Variants in EGF observed in about 807,000 individuals in gnomAD.
EGF encodes the protein epidermal growth factor.
A neutral mutation model predicts 143.8 loss-of-function variants in EGF; 95 were observed. The ratio of observed to expected loss-of-function variants is 0.66; its 90% CI spans 0.56 to 0.78. The LOEUF (loss-of-function observed/expected upper bound fraction) is 0.78, where lower values mean the gene tolerates loss of function less well. Among genes scored for constraint, EGF ranks in the 30% least tolerant of loss-of-function variants. EGF has a pLI of 0.00. For synonymous variants in EGF, 510 were observed against 510.5 expected, an observed-to-expected ratio of 1.00 and a Z score of 0.01; for missense variants, 1,320 against 1,470.9, an observed-to-expected ratio of 0.90 and a Z score of 1.68.
At chr4:109,930,308 A>G (rs1739466296) in intron 1 of EGF, among the ~76,000 whole-genome samples, 1 of 152,222 alleles carries the variant, frequency 6.6e-6, no homozygotes, top group South Asian at 2.1e-4. Flanking sequence ...TCTGTACTTC[A>G]TAAAACCCAA....
At chr4:110,001,559 T>A in intron 21 of EGF, 2 of 963,284 alleles carry the variant, frequency 2.1e-6, no homozygotes, top group Non-Finnish European at 2.5e-6. Context: ...GAAACTTAAG[T>A]TCATGCGTGC....
At chr4:109,937,943 C>A in intron 1 of EGF, among the ~76,000 whole-genome samples, 1 of 152,152 alleles carries the variant, frequency 6.6e-6, no homozygotes, top group Admixed American at 6.5e-5. Context: ...CTGCCCTTAA[C>A]ATTTTTTCCT....
At chr4:110,001,455 C>A (rs1345357274) in intron 21 of EGF, among the ~76,000 whole-genome samples, 1 of 152,058 alleles carries the variant, frequency 6.6e-6, no homozygotes, top group South Asian at 2.1e-4. Flanking sequence ...GGTGTGTAAT[C>A]AATATCTTGG....
At chr4:109,998,665 G>A (rs1176764364) in intron 20 of EGF, among the ~76,000 whole-genome samples, 2 of 152,218 alleles carry the variant, frequency 1.3e-5, no homozygotes, top group African/African-American at 4.8e-5. Context: ...GGTAGAGACA[G>A]GCCTAGAGCC....
chr4:110,005,622 C>G (rs1273980241), intron 22 of EGF, among the ~76,000 whole-genome samples: 1 of 152,178 alleles, frequency 6.6e-6, no homozygotes, highest in Non-Finnish European at 1.5e-5. Context: ...AAATCATCCA[C>G]TTCAGTAATT....
intron 8 of EGF, among the ~76,000 whole-genome samples, chr4:109,962,935 C>T (rs763168636): frequency 6.6e-6 from 1 of 151,678 alleles, no homozygotes; most frequent in Non-Finnish European, 1.5e-5. Flanking sequence ...GGCATGGTGG[C>T]GGGTGCCTGT....
At chr4:109,958,571 A>G (rs921330251) in intron 5 of EGF, among the ~76,000 whole-genome samples, 1 of 152,208 alleles carries the variant, frequency 6.6e-6, no homozygotes, top group South Asian at 2.1e-4. Flanking sequence ...AAAGATGTTC[A>G]TTAAATAATG....
At chr4:110,009,195 A>G (rs966354045) in intron 23 of EGF, among the ~76,000 whole-genome samples, 4 of 152,308 alleles carry the variant, frequency 2.6e-5, no homozygotes, top group Middle Eastern at 6.8e-3. Flanking sequence ...CCTAATTTGA[A>G]GAAGGCCTGG....
At chr4:109,925,611 C>T (rs1465066757) in intron 1 of EGF, among the ~76,000 whole-genome samples, 1 of 152,218 alleles carries the variant, frequency 6.6e-6, no homozygotes, top group Non-Finnish European at 1.5e-5. Context: ...AGTACTCCGT[C>T]TCCAATGCCA....
Position 109,980,806 on chromosome 4 carries a change from T to G in EGF, c.2222-20T>G, listed in dbSNP as rs765249066. ...TTCATCTTCAAACCCACTTGTGAAT[T>G]TGTTTCTTTTCTCTACTAGGAGCAG... On this transcript the variant is annotated intron_variant, in intron 14 of 23. Coordinates refer to ENST00000265171, the MANE Select transcript of EGF (RefSeq NM_001963.6). The G allele has an allele frequency of 1.2e-6, 2 of 1,613,812 alleles. No individual in the cohort carries two copies. The highest frequency in any genetic ancestry group is 4.5e-5 in the East Asian group (2 of 44,896).
intron 11 of EGF, among the ~76,000 whole-genome samples, chr4:109,972,862 C>G (rs1340813467): frequency 6.6e-6 from 1 of 152,152 alleles, no homozygotes; most frequent in Non-Finnish European, 1.5e-5. Flanking sequence ...AGTTGGTGAA[C>G]CAGCCACCAG....
chr4:109,940,728 G>A, intron 1 of EGF: 1 of 541,248 alleles, frequency 1.8e-6, no homozygotes. Flanking sequence ...ATTTACCAAT[G>A]TTCATGTCTT....
Position 110,011,294 on chromosome 4 carries a change from G to T in EGF, c.3463G>T (p.Gly1155Cys), listed in dbSNP as rs1358371873. The T allele has an allele frequency of 4.3e-6, 7 of 1,614,038 alleles. No individual in the cohort carries two copies. Among genetic ancestry groups the T allele is most frequent in the African/African-American group, 1.3e-5 (1 of 74,922 alleles). ...GCWIPVSSDK[G>C]SCPQVMERSF... ...CTGGATTCCAGTATCCAGTGATAAGGGCTCCTGTCCCCAGGTAATGGAGCG... is the reference window on the plus strand; with the variant it reads ...CTGGATTCCAGTATCCAGTGATAAGTGCTCCTGTCCCCAGGTAATGGAGCG... Residue 1155 changes from glycine (G) to cysteine (C), a missense_variant, in exon 24 of 24, where the codon GGC becomes TGC. Physicochemically the swap from Gly to Cys is radical, Grantham distance 159 (BLOSUM62 -3). Transcript: ENST00000265171.
intron 21 of EGF, chr4:110,004,203 C>G (rs1288392016): frequency 9.8e-6 from 4 of 408,326 alleles, no homozygotes; most frequent in Non-Finnish European, 1.4e-5. Context: ...CCCCAACATA[C>G]ATGGGCATAC....
intron 11 of EGF, 91 bp from the exon 12 acceptor site, chr4:109,974,612 A>G (rs1748187862): frequency 2.1e-6 from 2 of 950,396 alleles, no homozygotes; most frequent in Admixed American, 1.9e-5. Flanking sequence ...TAGAATGCCT[A>G]TCTTTGCATT....
At chr4:109,919,122 T>C (rs1181843273) in intron 1 of EGF, among the ~76,000 whole-genome samples, 4 of 152,226 alleles carry the variant, frequency 2.6e-5, no homozygotes, top group Non-Finnish European at 5.9e-5. Context: ...AGTGAGCTGA[T>C]GTGTTTTGCT....
At chr4:109,935,149 G>A (rs1390455822) in intron 1 of EGF, among the ~76,000 whole-genome samples, 3 of 152,026 alleles carry the variant, frequency 2.0e-5, no homozygotes, top group Non-Finnish European at 1.5e-5. Flanking sequence ...AAATTACTTT[G>A]GCAGTATGGC....
chr4:110,003,733 CTT>C (rs777630331), intron 21 of EGF, among the ~76,000 whole-genome samples: 20 of 136,530 alleles, frequency 1.5e-4, no homozygotes, highest in Admixed American at 3.3e-4. Flanking sequence ...CGTGTATAGA[CTT>C]AGCGTTGAAT....
intron 12 of EGF, 134 bp downstream of exon 12, chr4:109,974,941 G>C: frequency 3.2e-6 from 2 of 632,026 alleles, no homozygotes; most frequent in Non-Finnish European, 5.7e-6. Context: ...AATTCCTCAT[G>C]CTTTTAATGT....
Sources: allele counts gnomAD v4.1 joint callset (sites outside exome capture counted in the v4.1 genomes callset), GRCh38; gene constraint gnomAD v4.1.1; transcripts MANE v1.5; gene names NCBI Gene and HGNC (gene_info 2026-07-23, HGNC 2026-07-21).